Variants in FERMT3 observed in about 807,000 individuals in gnomAD.
The protein encoded by FERMT3 is fermitin family homolog 3.
FERMT3 carries 33 observed loss-of-function variants against 80.8 expected under a neutral mutation model. The ratio of observed to expected loss-of-function variants is 0.41; its 90% CI spans 0.31 to 0.55. FERMT3 has a LOEUF of 0.55. Ranked by LOEUF, FERMT3 falls within the 20% of genes least tolerant of loss-of-function variation. The probability of loss-of-function intolerance (pLI) is 0.31; values close to 1 mark genes in which losing one functional copy is unlikely to be tolerated. For synonymous variants in FERMT3, 375 were observed against 372.2 expected (o/e 1.01, Z -0.09); for missense variants, 754 against 908.7 (o/e 0.83, Z 2.19).
chr11:64,219,173 C>A lies in FERMT3; in HGVS notation c.787-78C>A. ...GGGCAGGGCAGAGGGCCAAGGCTGG[C>A]AGGGGCTCAGTGCAGGGCGTCCAGG... is the stretch of plus-strand genomic sequence containing the variant. On this transcript the variant is annotated intron_variant, in intron 6 of 14. Transcript: ENST00000345728. This position sits in a 1 kb window ranked among gnomAD's most constrained non-coding sequence, Gnocchi z 4.0. The A allele has an allele frequency of 7.2e-7, 1 of 1,382,340 alleles. No homozygotes were observed. Among genetic ancestry groups the A allele is most frequent in the Non-Finnish European group, 1.0e-6 (1 of 998,192 alleles). 85.6% of individuals were successfully genotyped at this position (1,382,340 alleles called of 1,614,324 possible).
chr11:64,209,090 GGGA>G (rs1418081521), intron 2 of FERMT3, among the ~76,000 whole-genome samples: 1 of 152,196 alleles, frequency 6.6e-6, no homozygotes, highest in Non-Finnish European at 1.5e-5. Flanking sequence ...AGAAGAGAAA[GGGA>G]GGATGCCTGG....
intron 6 of FERMT3, among the ~76,000 whole-genome samples, chr11:64,212,607 C>A: frequency 6.6e-6 from 1 of 152,154 alleles, no homozygotes; most frequent in South Asian, 2.1e-4. Context: ...CCCGACCACT[C>A]CTCCAGAATA....
intron 6 of FERMT3, among the ~76,000 whole-genome samples, chr11:64,213,032 G>A (rs765787307): frequency 4.6e-5 from 7 of 151,666 alleles, no homozygotes; most frequent in African/African-American, 1.2e-4. Flanking sequence ...TAGCTGGGAC[G>A]ATAGGCGTGT....
At chr11:64,213,262 C>G (rs534269418) in intron 6 of FERMT3, among the ~76,000 whole-genome samples, 1 of 151,980 alleles carries the variant, frequency 6.6e-6, no homozygotes, top group African/African-American at 2.4e-5. Context: ...CTCCTGACCT[C>G]AGGTGATCCA....
In FERMT3 at chr11:64,219,892, C is replaced by T; in HGVS notation, c.1081C>T (p.Pro361Ser). ...ELKDHLRIFR[P>S]RKLTLKGYRQ... ...CACAAACCCCAGCATCCCACGAAGG[C>T]CCCGGAAGCTGACCCTGAAGGGCTA... Residue 361 changes from proline (P) to serine (S), a missense_variant and splice_region_variant, in exon 10 of 15, where the codon CCC becomes TCC. Transcript: ENST00000345728. The surrounding 1 kb of genome is among the most constrained non-coding windows in gnomAD (Gnocchi z 4.0). 1 of 1,613,952 alleles carries T rather than the reference C, an allele frequency of 6.2e-7. No individual in the cohort carries two copies. Among genetic ancestry groups the T allele is most frequent in the East Asian group, 2.2e-5 (1 of 44,878 alleles).
chr11:64,210,547 T>A lies in FERMT3; in HGVS notation c.161-64T>A. 6 of 1,517,162 alleles carry A rather than the reference T, an allele frequency of 4.0e-6. No individual in the cohort carries two copies. The highest frequency in any genetic ancestry group is 5.5e-6 in the Non-Finnish European group (6 of 1,094,242). The allele number at this position is 1,517,162 out of a possible 1,614,324, so 94.0% of individuals were successfully genotyped here. A position where few individuals can be genotyped will look rare whatever the true frequency, so the allele number is the denominator to read the frequency against. ...GCCCCAGGCTTCTGAATCCTGGGGTTGTGCTGGGTGTTGGGGGCACCAGGG... is the reference window on the plus strand; with the variant it reads ...GCCCCAGGCTTCTGAATCCTGGGGTAGTGCTGGGTGTTGGGGGCACCAGGG... On this transcript the variant is annotated intron_variant, in intron 2 of 14. Transcript: ENST00000345728. The surrounding 1 kb of genome is among the most constrained non-coding windows in gnomAD (Gnocchi z 4.3).
intron 2 of FERMT3, among the ~76,000 whole-genome samples, chr11:64,209,288 G>A (rs1053860126): frequency 2.0e-5 from 3 of 152,238 alleles, no homozygotes; most frequent in African/African-American, 4.8e-5. Flanking sequence ...GGAACAGAGG[G>A]TTCTGGAAAG....
rs759456987 is a variant in FERMT3 at position 64,211,462 on chromosome 11, C to A, written c.683+19C>A. Reference sequence around the variant, plus strand: ...ACAGCAGGTGCACCCAGGAGCCACGCCCCCTGTGTCAGGGCTCCCCCACCC... The same window carrying A: ...ACAGCAGGTGCACCCAGGAGCCACGACCCCTGTGTCAGGGCTCCCCCACCC... On this transcript the variant is annotated intron_variant, in intron 5 of 14. Coordinates refer to ENST00000345728, the MANE Select transcript of FERMT3 (RefSeq NM_031471.6). The surrounding 1 kb of genome is among the most constrained non-coding windows in gnomAD (Gnocchi z 4.7). 4 of 1,568,668 alleles carry A rather than the reference C, an allele frequency of 2.5e-6. No homozygotes were observed. The highest frequency in any genetic ancestry group is 3.4e-6 in the Non-Finnish European group (4 of 1,161,788).
chr11:64,211,807 T>C lies in FERMT3; in HGVS notation c.786+60T>C. The C allele has an allele frequency of 6.7e-7, 1 of 1,492,960 alleles. No individual in the cohort carries two copies. Among genetic ancestry groups the C allele is most frequent in the South Asian group, 1.1e-5 (1 of 88,470 alleles). 92.5% of individuals were successfully genotyped at this position (1,492,960 alleles called of 1,614,324 possible). ...CCATGAGATGTGGAGACCTAGGGCC[T>C]GGGGTATGGGCTCTGGGATGTTAGT... is the stretch of plus-strand genomic sequence containing the variant. On this transcript the variant is annotated intron_variant, in intron 6 of 14. Transcript: ENST00000345728. This position sits in a 1 kb window ranked among gnomAD's most constrained non-coding sequence, Gnocchi z 4.7.
Position 64,211,084 on chromosome 11 carries a change from C to T in FERMT3, c.427C>T (p.Arg143Trp), listed in dbSNP as rs750690989. ...GCACCCCGAGGAGCTGTCCCTGCTC[C>T]GGGCTCCTGAGAAGAAGGAGAAGAA... is the stretch of plus-strand genomic sequence containing the variant. ...IRHPEELSLL[R>W]APEKKEKKKK... Residue 143 changes from arginine (R) to tryptophan (W), a missense_variant, in exon 4 of 15, where the codon CGG becomes TGG. Transcript: ENST00000345728. The surrounding 1 kb of genome is among the most constrained non-coding windows in gnomAD (Gnocchi z 4.7). 1.5e-5 allele frequency: 23 copies of T among 1,585,430 alleles called. No individual in the cohort carries two copies. The highest frequency in any genetic ancestry group is 1.3e-4 in the South Asian group (11 of 87,354).
At position 64,211,222 on chromosome 11, in the gene FERMT3, G is replaced by A. The variant is rs535542519; in HGVS notation, c.514+51G>A. ...GGGGGTTGGGGGCAGGGGCCGGCCC[G>A]TGAGTCCCAGCCCTGGGGGACAGGC... On this transcript the variant is annotated intron_variant, in intron 4 of 14. Coordinates refer to ENST00000345728, the MANE Select transcript of FERMT3 (RefSeq NM_031471.6). The surrounding 1 kb of genome is among the most constrained non-coding windows in gnomAD (Gnocchi z 4.7). The A allele has an allele frequency of 2.3e-5, 37 of 1,607,066 alleles. No homozygotes were observed. The highest frequency in any genetic ancestry group is 6.7e-5 in the Admixed American group (4 of 59,596).
In FERMT3 at chr11:64,219,655, G is replaced by A; in HGVS notation, c.1026G>A (p.Val342=). 1.2e-6 allele frequency: 2 copies of A among 1,613,696 alleles called. No homozygotes were observed. ...TGGAGGGGTCGGCGCCCACAGATGT[G>A]CTGGTGAGGAGGGGCTCAGGGCAGG... ...VKLEGSAPTD[V]LDSLTTIPEL... Residue 342 remains valine (V), a synonymous_variant, in exon 8 of 15, where the codon GTG becomes GTA. Coordinates refer to ENST00000345728, the MANE Select transcript of FERMT3 (RefSeq NM_031471.6). The surrounding 1 kb of genome is among the most constrained non-coding windows in gnomAD (Gnocchi z 4.0).
chr11:64,219,713 G>A lies in FERMT3; in HGVS notation c.1030-27G>A. 3 of 1,613,812 alleles carry A rather than the reference G, an allele frequency of 1.9e-6. No individual in the cohort carries two copies. The highest frequency in any genetic ancestry group is 2.7e-5 in the African/African-American group (2 of 74,952). The stretch of plus-strand genomic sequence containing the variant: ...CAGGGAGAACTGTGAGGTACCGGGT[G>A]CCCCTCTGACTCTGGTCCTCCCATA... On this transcript the variant is annotated intron_variant, in intron 8 of 14. Transcript: ENST00000345728. This position sits in a 1 kb window ranked among gnomAD's most constrained non-coding sequence, Gnocchi z 4.0.
chr11:64,210,539 C>T lies in FERMT3; in HGVS notation c.161-72C>T. The T allele has an allele frequency of 2.7e-6, 4 of 1,492,112 alleles. No homozygotes were observed. In the South Asian group the frequency reaches 4.6e-5, roughly 17 times the overall value. The allele number at this position is 1,492,112 out of a possible 1,614,324, so 92.4% of individuals were successfully genotyped here. ...GAGTGGTCGCCCCAGGCTTCTGAAT[C>T]CTGGGGTTGTGCTGGGTGTTGGGGG... On this transcript the variant is annotated intron_variant, in intron 2 of 14. Coordinates refer to ENST00000345728, the MANE Select transcript of FERMT3 (RefSeq NM_031471.6). The surrounding 1 kb of genome is among the most constrained non-coding windows in gnomAD (Gnocchi z 4.3).
At position 64,210,878 on chromosome 11, in the gene FERMT3, G is replaced by A; in HGVS notation, c.394+34G>A. The A allele has an allele frequency of 6.2e-7, 1 of 1,609,666 alleles. No individual in the cohort carries two copies. The highest frequency in any genetic ancestry group is 8.5e-7 in the Non-Finnish European group (1 of 1,179,744). On this transcript the variant is annotated intron_variant, in intron 3 of 14. Transcript: ENST00000345728. The surrounding 1 kb of genome is among the most constrained non-coding windows in gnomAD (Gnocchi z 4.3). The stretch of plus-strand genomic sequence containing the variant: ...CCCGGCTGATTCCCCTGGCCCACGA[G>A]GGTGATGCAAAGAGGCAGGTTCCCC...
rs372896351 is a variant in FERMT3, at chr11:64,210,611, A to T, written c.161A>T (p.Asn54Ile). ...GVLLKIVEQI[N>I]RKQDWSDHAI... ...CCAGATGTGCCCCCGTGCCCCACAG[A>T]TCGCAAGCAGGACTGGTCAGACCAT... The change falls in exon 3 of 15, where the codon AAT becomes ATT. Residue 54 changes from asparagine to isoleucine, a missense_variant and splice_region_variant. Transcript: ENST00000345728. This position sits in a 1 kb window ranked among gnomAD's most constrained non-coding sequence, Gnocchi z 4.3. The T allele has an allele frequency of 3.1e-6, 5 of 1,613,714 alleles. No homozygotes were observed. The highest frequency in any genetic ancestry group is 1.7e-4 in the Middle Eastern group (1 of 6,056).
In FERMT3 at chr11:64,211,789, A is replaced by T. The variant is rs1946447622; in HGVS notation, c.786+42A>T. ...AGAAAGCGGGCCTCAGGTCCATGAGATGTGGAGACCTAGGGCCTGGGGTAT... is the reference window on the plus strand; with the variant it reads ...AGAAAGCGGGCCTCAGGTCCATGAGTTGTGGAGACCTAGGGCCTGGGGTAT... On this transcript the variant is annotated intron_variant, in intron 6 of 14. Coordinates refer to ENST00000345728, the MANE Select transcript of FERMT3 (RefSeq NM_031471.6). The surrounding 1 kb of genome is among the most constrained non-coding windows in gnomAD (Gnocchi z 4.7). The T allele has an allele frequency of 6.3e-7, 1 of 1,585,252 alleles. No individual in the cohort carries two copies. Among genetic ancestry groups the T allele is most frequent in the African/African-American group, 1.3e-5 (1 of 74,310 alleles).
chr11:64,220,072 G>T, intron 10 of FERMT3, 57 bp downstream of exon 10: 1 of 1,606,338 alleles, frequency 6.2e-7, no homozygotes, highest in South Asian at 1.1e-5. Context: ...GGCTAGGCAG[G>T]TGAATGCTCT....
At chr11:64,208,559 GCCT>G (rs1168448962) in intron 2 of FERMT3, among the ~76,000 whole-genome samples, 1 of 152,238 alleles carries the variant, frequency 6.6e-6, no homozygotes, top group Admixed American at 6.5e-5. Flanking sequence ...CCAGTCCCTG[GCCT>G]CCTGGAGCAG....
Sources: gnomAD v4.1 joint callset for allele counts (sites outside exome capture counted in the v4.1 genomes callset) on GRCh38, gnomAD v4.1.1 for gene constraint, Gnocchi (gnomAD v3.1) non-coding constraint, MANE v1.5 for transcripts, NCBI Gene and HGNC (gene_info 2026-07-23, HGNC 2026-07-21) for gene names.